The following CD47 variants were observed in gnomAD, a reference collection of about 807,000 sequenced individuals.
CD47 encodes CD47 molecule.
A neutral mutation model predicts 44.6 loss-of-function variants in CD47; 11 were observed. That is an observed-to-expected ratio of 0.25 (90% CI 0.16 to 0.41). CD47 has a LOEUF of 0.41. Ranked by LOEUF, CD47 falls within the 10% of genes least tolerant of loss-of-function variation. The probability of loss-of-function intolerance (pLI) is 1.00; values close to 1 mark genes in which losing one functional copy is unlikely to be tolerated. For synonymous variants in CD47, 140 were observed against 136.3 expected (o/e 1.03, Z -0.19); for missense variants, 306 against 386.7 (o/e 0.79, Z 1.75).
rs867558279 is a variant in CD47, at chr3:108,079,997, G to A, written c.394C>T (p.Arg132Cys). ...GCTTTCATAGAAGTCTTACCAACAC[G>A]ATATTTTAGCTCGATGATCGTTTCA... ...EGETIIELKY[R>C]VVSWFSPNEN... Residue 132 changes from arginine (R) to cysteine (C), a missense_variant, in exon 2 of 11, where the codon CGT becomes TGT. Physicochemically the swap from Arg to Cys is radical, Grantham distance 180. Coordinates refer to ENST00000361309, the MANE Select transcript of CD47 (RefSeq NM_001777.4). 6.2e-7 allele frequency: 1 copy of A among 1,602,480 alleles called. No individual in the cohort carries two copies. Among genetic ancestry groups the A allele is most frequent in the Non-Finnish European group, 8.5e-7 (1 of 1,172,054 alleles).
In CD47 at chr3:108,090,975, T is replaced by TACAGGCAGGACCGACCGCCGCCGCGCGTC. The variant is rs1351392446; in HGVS notation, c.-96_-68dup. On this transcript the variant is annotated 5_prime_UTR_variant, in exon 1 of 11. Transcript: ENST00000361309. ...CCGGAGCAGCAGCCGCCGCCGCCGT[T>TACAGGCAGGACCGACCGCCGCCGCGCGTC]ACAGGCAGGACCGACCGCCGCCGCG... The TACAGGCAGGACCGACCGCCGCCGCGCGTC allele has an allele frequency of 4.8e-6, 6 of 1,248,226 alleles. No homozygotes were observed. The highest frequency in any genetic ancestry group is 3.2e-5 in the East Asian group (1 of 30,982). 77.3% of individuals were successfully genotyped at this position (1,248,226 alleles called of 1,614,324 possible). A position where few individuals can be genotyped will look rare whatever the true frequency, so the allele number is the denominator to read the frequency against.
Position 108,046,051 on chromosome 3 carries a change from C to T in CD47, c.*1237G>A, listed in dbSNP as rs930451143. 2 of 152,158 alleles carry T rather than the reference C, an allele frequency of 1.3e-5. No homozygotes were observed. The highest frequency in any genetic ancestry group is 4.8e-5 in the African/African-American group (2 of 41,452). 9.4% of individuals were successfully genotyped at this position (152,158 alleles called of 1,614,324 possible). ...TCCACAAACAGGTAAAAAACGAATGCTAAAAGTCTAAAAGTACTCCAGGCG... is the reference window on the plus strand; with the variant it reads ...TCCACAAACAGGTAAAAAACGAATGTTAAAAGTCTAAAAGTACTCCAGGCG... On this transcript the variant is annotated 3_prime_UTR_variant, in exon 11 of 11. Coordinates refer to ENST00000361309, the MANE Select transcript of CD47 (RefSeq NM_001777.4).
At chr3:108,087,680 A>G (rs1207249418) in intron 1 of CD47, among the ~76,000 whole-genome samples, 1 of 152,144 alleles carries the variant, frequency 6.6e-6, no homozygotes, top group Non-Finnish European at 1.5e-5. Context: ...CTTTTAACCT[A>G]CAAGTGTGAT....
chr3:108,080,165 T>G lies in CD47; in HGVS notation c.226A>C (p.Thr76Pro). 6.2e-7 allele frequency: 1 copy of G among 1,613,228 alleles called. No individual in the cohort carries two copies. The highest frequency in any genetic ancestry group is 8.5e-7 in the Non-Finnish European group (1 of 1,179,320). ...GCACTACTAAAGTCAGTGGGGACAG[T>G]GGACTTGTTTAGAGCTCCATCAAAG... ...YTFDGALNKS[T>P]VPTDFSSAKI... is the part of the protein sequence containing the mutation. The change falls in exon 2 of 11, where the codon ACT becomes CCT. Residue 76 changes from threonine (T) to proline (P), a missense_variant. Thr to Pro is a conservative substitution (Grantham distance 38). This residue lies in a region of CD47 where 25 missense variants were observed against 52.7 expected (regional missense o/e 0.47). Coordinates refer to ENST00000361309, the MANE Select transcript of CD47 (RefSeq NM_001777.4).
At chr3:108,051,273 G>A (rs948435632) in intron 8 of CD47, among the ~76,000 whole-genome samples, 1 of 152,044 alleles carries the variant, frequency 6.6e-6, no homozygotes, top group Non-Finnish European at 1.5e-5. Context: ...CAGAGCTTAT[G>A]TCCACAACAT....
chr3:108,055,958 G>A (rs549388270), intron 7 of CD47, among the ~76,000 whole-genome samples: 2 of 152,266 alleles, frequency 1.3e-5, no homozygotes, highest in South Asian at 4.1e-4. Context: ...GGTGGCATGG[G>A]AGTAAAAGGG....
chr3:108,080,325 A>C lies in CD47; in HGVS notation c.66T>G (p.Phe22Leu). The C allele has an allele frequency of 6.3e-7, 1 of 1,597,124 alleles. No individual in the cohort carries two copies. The highest frequency in any genetic ancestry group is 8.6e-7 in the Non-Finnish European group (1 of 1,166,336). Residue 22 changes from phenylalanine (F) to leucine (L), a missense_variant, in exon 2 of 11, where the codon TTT becomes TTG. Around this residue, in one of 5 missense-constraint regions of CD47, gnomAD observed 38 missense variants for 42.7 expected, o/e 0.89. Transcript: ENST00000361309. ...TGAATTCTACAGATTTTGTTTTATT[A>C]AATAGTAGCTGAGCTGATCCTGGAA... ...SACCGSAQLL[F>L]NKTKSVEFTF...
intron 3 of CD47, among the ~76,000 whole-genome samples, chr3:108,069,668 AT>A (rs1247711994): frequency 3.9e-5 from 6 of 152,090 alleles, no homozygotes; most frequent in Non-Finnish European, 1.5e-5. Flanking sequence ...TTCACTAAAA[AT>A]AATGTCACCA....
Position 108,051,947 on chromosome 3 carries a change from G to T in CD47, c.901C>A (p.Pro301Thr). ...FVASNQKTIQ[P>T]PRKAVEEPLN... The stretch of plus-strand genomic sequence containing the variant: ...AATAAACTTTAACTTACCCTAGGAG[G>T]TTGTATAGTCTTCTGATTGGAAGCT... Residue 301 changes from proline (P) to threonine (T), a missense_variant, in exon 8 of 11, where the codon CCT (proline) becomes ACT (threonine). Pro to Thr is a conservative substitution (Grantham distance 38, BLOSUM62 -1). This residue lies in a region of CD47 where 131 missense variants were observed against 135.3 expected (regional missense o/e 0.97). Coordinates refer to ENST00000361309, the MANE Select transcript of CD47 (RefSeq NM_001777.4). The T allele has an allele frequency of 6.7e-7, 1 of 1,486,128 alleles. No homozygotes were observed. Among genetic ancestry groups the T allele is most frequent in the African/African-American group, 1.4e-5 (1 of 72,554 alleles). 92.1% of individuals were successfully genotyped at this position (1,486,128 alleles called of 1,614,324 possible).
chr3:108,062,646 T>G (rs911240064), intron 3 of CD47, among the ~76,000 whole-genome samples: 1 of 146,702 alleles, frequency 6.8e-6, no homozygotes, highest in Non-Finnish European at 1.5e-5. Context: ...TCTTTTCTTT[T>G]TTTTTTTTTT....
chr3:108,049,498 AC>A (rs1303312520), intron 10 of CD47, 120 bp downstream of exon 10: 1 of 708,518 alleles, frequency 1.4e-6, no homozygotes, highest in Non-Finnish European at 2.5e-6. Flanking sequence ...AGAAATGTGA[AC>A]CTTTATCATC....
chr3:108,090,948 G>C lies in CD47; in HGVS notation c.-40C>G. 7.0e-7 allele frequency: 1 copy of C among 1,419,828 alleles called. No homozygotes were observed. The highest frequency in any genetic ancestry group is 9.3e-7 in the Non-Finnish European group (1 of 1,077,712). 88.0% of individuals were successfully genotyped at this position (1,419,828 alleles called of 1,614,324 possible). On this transcript the variant is annotated 5_prime_UTR_variant, in exon 1 of 11. Transcript: ENST00000361309. Reference sequence around the variant, plus strand: ...CGGGGTCGCCGCCGCCGCCGCAGGTGTCCGGAGCAGCAGCCGCCGCCGCCG... The same window carrying C: ...CGGGGTCGCCGCCGCCGCCGCAGGTCTCCGGAGCAGCAGCCGCCGCCGCCG...
At chr3:108,068,335 G>A (rs925652510) in intron 3 of CD47, among the ~76,000 whole-genome samples, 22 of 152,066 alleles carry the variant, frequency 1.4e-4, no homozygotes, top group African/African-American at 5.3e-4. Context: ...CTTAAATGTG[G>A]GTGCTACAAA....
At chr3:108,090,026 T>C (rs1180519132) in intron 1 of CD47, among the ~76,000 whole-genome samples, 1 of 151,752 alleles carries the variant, frequency 6.6e-6, no homozygotes, top group East Asian at 1.9e-4. Flanking sequence ...TGGAGGTTCT[T>C]TGGCGTCGAA....
At chr3:108,066,108 C>A (rs2079102112) in intron 3 of CD47, among the ~76,000 whole-genome samples, 1 of 151,964 alleles carries the variant, frequency 6.6e-6, no homozygotes, top group Admixed American at 6.6e-5. Context: ...AACTCAAGGA[C>A]TTGGTAGGAT....
rs1423944083 is a variant in CD47, at chr3:108,046,172, G to GGACT, written c.*1112_*1115dup. On this transcript the variant is annotated 3_prime_UTR_variant, in exon 11 of 11. Coordinates refer to ENST00000361309, the MANE Select transcript of CD47 (RefSeq NM_001777.4). ...CATAGGGGAAGGGGAGTACGAGGCA[G>GGACT]GACTACAGGAGGAAGGTGATGAATG... 1 of 152,608 alleles carries GGACT rather than the reference G, an allele frequency of 6.6e-6. No homozygotes were observed. The highest frequency in any genetic ancestry group is 1.9e-4 in the East Asian group (1 of 5,194). 9.5% of individuals were successfully genotyped at this position (152,608 alleles called of 1,614,324 possible).
intron 1 of CD47, among the ~76,000 whole-genome samples, chr3:108,087,636 A>C (rs1020719664): frequency 1.3e-5 from 2 of 152,270 alleles, no homozygotes; most frequent in East Asian, 3.9e-4. Flanking sequence ...AGTGGTTTTG[A>C]CAGGCCTTGA....
intron 2 of CD47, among the ~76,000 whole-genome samples, chr3:108,077,723 T>A (rs80177420): frequency 6.6e-6 from 1 of 151,630 alleles, no homozygotes; most frequent in Non-Finnish European, 1.5e-5. Context: ...AAAAAAAAAG[T>A]AAGGAAAAAA....
At chr3:108,078,403 C>A (rs1303570884) in intron 2 of CD47, among the ~76,000 whole-genome samples, 1 of 151,894 alleles carries the variant, frequency 6.6e-6, no homozygotes, top group African/African-American at 2.4e-5. Flanking sequence ...CATCTTCTGG[C>A]CTTTCAAATC....
Sources: gnomAD v4.1 joint callset for allele counts (sites outside exome capture counted in the v4.1 genomes callset) on GRCh38, gnomAD v4.1.1 for gene constraint, gnomAD v4.1.1 regional missense constraint, MANE v1.5 for transcripts, NCBI Gene and HGNC (gene_info 2026-07-23, HGNC 2026-07-21) for gene names.